Variants in TNC observed in about 807,000 individuals in gnomAD.
TNC encodes tenascin.
In TNC, 109 loss-of-function variants were observed where a neutral mutation model predicts 202.4. The observed-to-expected ratio is 0.54, with a 90% confidence interval of 0.46 to 0.63. The LOEUF (loss-of-function observed/expected upper bound fraction) is 0.63, where lower values mean the gene tolerates loss of function less well. TNC is among the 30% of genes least tolerant of loss of function. The pLI, the probability that TNC is intolerant of heterozygous loss-of-function variation, is 0.00. For synonymous variants in TNC, 1,007 were observed against 1,089.7 expected (o/e 0.92, Z 1.50); for missense variants, 2,756 against 2,833.3 (o/e 0.97, Z 0.62).
At chr9:115,093,865 G>C (rs56120022) in intron 1 of TNC, among the ~76,000 whole-genome samples, 7,349 of 152,182 alleles carry the variant, frequency 0.048, 277 homozygotes, top group Admixed American at 0.068. Context: ...GCATCGTTGG[G>C]GGAAAGAGTA....
At position 115,076,579 on chromosome 9, in the gene TNC, T is replaced by A. The variant is rs1833878536; in HGVS notation, c.2675-4A>T. The A allele has an allele frequency of 6.2e-7, 1 of 1,613,954 alleles. No homozygotes were observed. The highest frequency in any genetic ancestry group is 2.2e-5 in the East Asian group (1 of 44,876). Reference sequence around the variant, plus strand: ...AGATTCCTGGGAGCATCGAGGCCTGTTTGAGAGAAGGAACATTTGTATTGA... The same window carrying A: ...AGATTCCTGGGAGCATCGAGGCCTGATTGAGAGAAGGAACATTTGTATTGA... On this transcript the variant is annotated splice_polypyrimidine_tract_variant and splice_region_variant and intron_variant, in intron 7 of 27. Transcript: ENST00000350763.
At chr9:115,092,891 T>G (rs1835340952) in intron 1 of TNC, among the ~76,000 whole-genome samples, 1 of 152,108 alleles carries the variant, frequency 6.6e-6, no homozygotes, top group South Asian at 2.1e-4. Flanking sequence ...TGGCTGCTAT[T>G]TGGTTTTTAG....
chr9:115,039,381 C>T (rs1474976280), intron 19 of TNC, among the ~76,000 whole-genome samples: 1 of 152,200 alleles, frequency 6.6e-6, no homozygotes, highest in Admixed American at 6.5e-5. Context: ...GCTCTCAATA[C>T]TTGCAGTTGT....
Position 115,063,845 on chromosome 9 carries a change from C to T in TNC, c.3711G>A (p.Gly1237=), listed in dbSNP as rs139931208. The T allele has an allele frequency of 8.3e-4, 1,343 of 1,614,008 alleles. 2 individuals are homozygous for T. Among genetic ancestry groups the T allele is most frequent in the Middle Eastern group, 4.6e-3 (28 of 6,062 alleles). Residue 1237 remains glycine, a synonymous_variant, in exon 12 of 28, where the codon GGG becomes GGA. Transcript: ENST00000350763. ...AATHYTITIR[G]VTQDFSTTPL... is the part of the protein sequence containing the mutation. The stretch of plus-strand genomic sequence containing the variant: ...GGGTTGTGCTGAAGTCCTGAGTGAC[C>T]CCGCGGATGGTGATGGTATAATGAG...
intron 15 of TNC, among the ~76,000 whole-genome samples, chr9:115,054,066 G>A (rs569846260): frequency 7.2e-5 from 11 of 152,112 alleles, no homozygotes; most frequent in Admixed American, 2.0e-4. Flanking sequence ...AAGTAAGTGC[G>A]GCCCAGACTG....
chr9:115,092,182 G>A (rs1260340868), intron 1 of TNC, among the ~76,000 whole-genome samples: 1 of 152,174 alleles, frequency 6.6e-6, no homozygotes, highest in Non-Finnish European at 1.5e-5. Context: ...AAAATAAAAA[G>A]GAATGGTCAA....
In TNC at chr9:115,084,217, AC is replaced by A; in HGVS notation, c.2122del (p.Val708TrpfsTer11). On this transcript the variant is annotated frameshift_variant, in exon 4 of 28. Transcript: ENST00000350763. LOFTEE classifies it high-confidence loss of function. Reference protein sequence around the residue: ...NKKSIPVSARVATYLPAPEGL... With the variant: ...NKKSIPVSARXATYLPAPEGL... ...GAGTTCTGCTCACTCACACGTGGCC[AC>A]CCTGGCGCTGACAGGAATGCTCTTC... is the stretch of plus-strand genomic sequence containing the variant. 1 of 1,613,846 alleles carries A rather than the reference AC, an allele frequency of 6.2e-7. No individual in the cohort carries two copies. Among genetic ancestry groups the A allele is most frequent in the Non-Finnish European group, 8.5e-7 (1 of 1,179,818 alleles).
intron 1 of TNC, among the ~76,000 whole-genome samples, chr9:115,095,090 T>C (rs193152672): frequency 6.6e-6 from 1 of 152,178 alleles, no homozygotes; most frequent in Non-Finnish European, 1.5e-5. Context: ...CACTGTTTGA[T>C]CACTTCCTGT....
chr9:115,059,491 T>A (rs916667190), intron 14 of TNC, among the ~76,000 whole-genome samples: 7 of 152,158 alleles, frequency 4.6e-5, no homozygotes, highest in African/African-American at 1.7e-4. Context: ...CCAGGTAAAG[T>A]ATGAAAGGCT....
In TNC at chr9:115,090,770, G is replaced by A. The variant is rs748235054; in HGVS notation, c.249C>T (p.Pro83=). The change falls in exon 2 of 28, where the codon CCC becomes CCT. Residue 83 remains proline (P), a synonymous_variant. Coordinates refer to ENST00000350763, the MANE Select transcript of TNC (RefSeq NM_002160.4). The part of the protein sequence containing the change: ...GEKDLAPPSE[P]SESFQEHTVD... ...CTGTGTGCTCCTGAAAGCTTTCGCT[G>A]GGCTCTGAAGGCGGTGCCAGGTCTT... The A allele has an allele frequency of 1.9e-5, 31 of 1,614,074 alleles. 1 individual carries two copies. In the South Asian group the frequency reaches 3.3e-4, roughly 17 times the overall value.
chr9:115,059,522 G>A (rs1475866354), intron 14 of TNC, among the ~76,000 whole-genome samples: 1 of 152,166 alleles, frequency 6.6e-6, no homozygotes, highest in Non-Finnish European at 1.5e-5. Context: ...AGATCAGAAA[G>A]GGCAACACCT....
chr9:115,066,745 T>C (rs1437510785), intron 10 of TNC, among the ~76,000 whole-genome samples: 1 of 152,228 alleles, frequency 6.6e-6, no homozygotes, highest in Non-Finnish European at 1.5e-5. Context: ...AAGAATATTA[T>C]TTCATGGTGC....
Position 115,091,167 on chromosome 9 carries a change from A to T in TNC, c.-136-13T>A. Reference sequence around the variant, plus strand: ...AAAGAATTATTTTCTACAAGCAAAGATGAACAAAAAAATTATGAGTATCTA... The same window carrying T: ...AAAGAATTATTTTCTACAAGCAAAGTTGAACAAAAAAATTATGAGTATCTA... On this transcript the variant is annotated splice_polypyrimidine_tract_variant and intron_variant, in intron 1 of 27. Coordinates refer to ENST00000350763, the MANE Select transcript of TNC (RefSeq NM_002160.4). The T allele has an allele frequency of 1.5e-6, 1 of 652,220 alleles. No homozygotes were observed. The highest frequency in any genetic ancestry group is 2.0e-5 in the South Asian group (1 of 50,550). The allele number at this position is 652,220 out of a possible 1,614,324, so 40.4% of individuals were successfully genotyped here. A position where few individuals can be genotyped will look rare whatever the true frequency, so the allele number is the denominator to read the frequency against.
chr9:115,050,283 A>C (rs1284546179), intron 15 of TNC, among the ~76,000 whole-genome samples: 1 of 152,144 alleles, frequency 6.6e-6, no homozygotes, highest in East Asian at 1.9e-4. Context: ...TTTAAAACGC[A>C]ATCTTTTCAC....
At chr9:115,098,582 T>C (rs1835970120) in intron 1 of TNC, among the ~76,000 whole-genome samples, 1 of 152,236 alleles carries the variant, frequency 6.6e-6, no homozygotes, top group Non-Finnish European at 1.5e-5. Flanking sequence ...TCAGAATTAG[T>C]TACTTATGAT....
chr9:115,117,862 G>A (rs1396831766), intron 1 of TNC, 120 bp downstream of exon 1: 1 of 150,926 alleles, frequency 6.6e-6, no homozygotes, highest in African/African-American at 2.4e-5. Flanking sequence ...TTTTTCCAGC[G>A]GTGGAAAAAA....
chr9:115,109,286 G>A (rs1370022136), intron 1 of TNC, among the ~76,000 whole-genome samples: 1 of 152,218 alleles, frequency 6.6e-6, no homozygotes, highest in Non-Finnish European at 1.5e-5. Flanking sequence ...GTGCTAAGCA[G>A]TGTTCATGAA....
chr9:115,057,065 A>G (rs886489976), intron 15 of TNC, 88 bp downstream of exon 15: 6 of 1,463,240 alleles, frequency 4.1e-6, no homozygotes, highest in Non-Finnish European at 5.5e-6. Context: ...TGTGGCTTGT[A>G]CATCAATGGG....
rs185724815 is a variant in TNC at position 115,061,688 on chromosome 9, G to A, written c.4033+1229C>T. Among the ~76,000 whole-genome samples the A allele has an allele frequency of 6.4e-4, 98 of 152,294 alleles. 1 individual carries two copies. The highest frequency in any genetic ancestry group is 1.2e-3 in the Non-Finnish European group (83 of 68,030). On this transcript the variant is annotated intron_variant, in intron 13 of 27. Coordinates refer to ENST00000350763, the MANE Select transcript of TNC (RefSeq NM_002160.4). ...GTGATTTGGATTGCATTATCAAAAG[G>A]CAGCATATGTAGAGTGGGGCATGGG...
Sources: allele counts gnomAD v4.1 joint callset (sites outside exome capture counted in the v4.1 genomes callset), GRCh38; gene constraint gnomAD v4.1.1; transcripts MANE v1.5; gene names NCBI Gene and HGNC (gene_info 2026-07-23, HGNC 2026-07-21).